Variants in ZFHX3 observed in about 807,000 individuals in gnomAD.
The protein encoded by ZFHX3 is zinc finger homeobox 3.
ZFHX3 carries 42 observed loss-of-function variants against 279.1 expected under a neutral mutation model. The observed-to-expected ratio is 0.15, with a 90% CI of 0.12 to 0.19. ZFHX3 has a LOEUF of 0.19. Ranked by LOEUF, ZFHX3 falls within the 10% of genes least tolerant of loss-of-function variation. ZFHX3 has a pLI of 1.00. For missense variants in ZFHX3, 4,981 were observed against 4,754.0 expected, an observed-to-expected ratio of 1.05 and a Z score of -1.40; for synonymous variants, 2,293 against 1,957.8, an observed-to-expected ratio of 1.17 and a Z score of -4.52.
chr16:73,205,110 A>G lies in ZFHX3; in HGVS notation c.-1104+51937T>C, dbSNP rs751546072. ...AGAGATTCAGAGTCCTAGGACTCCA[A>G]GTGACCCTGATTGATGGTCTGGACC... is the stretch of plus-strand genomic sequence containing the variant. On this transcript the variant is annotated intron_variant, in intron 5 of 17. Coordinates refer to the ZFHX3 transcript ENST00000641206. 1.9e-4 allele frequency among the ~76,000 whole-genome samples: 29 copies of G among 152,190 alleles called. 1 individual carries two copies. The highest frequency in any genetic ancestry group is 2.6e-4 in the Non-Finnish European group (18 of 68,024).
chr16:73,473,451 G>A (rs2018711426), intron 2 of ZFHX3, among the ~76,000 whole-genome samples: 1 of 151,916 alleles, frequency 6.6e-6, no homozygotes, highest in South Asian at 2.1e-4. Context: ...AATAAGGTAG[G>A]AGACATATGA....
At chr16:72,844,471 C>G (rs1194579673) in intron 4 of ZFHX3, among the ~76,000 whole-genome samples, 2 of 152,122 alleles carry the variant, frequency 1.3e-5, no homozygotes, top group East Asian at 3.9e-4. Context: ...ACCTGCCTCC[C>G]TCGCCCAACC....
At chr16:73,421,390 T>C (rs2017715938) in intron 3 of ZFHX3, 3 of 152,242 alleles carry the variant, frequency 2.0e-5, no homozygotes, top group African/African-American at 7.2e-5. Flanking sequence ...GTGTGCTTGT[T>C]CCCACATTAA....
chr16:73,213,789 G>T (rs1473999621), intron 5 of ZFHX3, among the ~76,000 whole-genome samples: 1 of 152,048 alleles, frequency 6.6e-6, no homozygotes, highest in Admixed American at 6.6e-5. Context: ...ATGGGCCCGG[G>T]TCCCATTTTT....
chr16:72,947,713 G>A (rs1183909958), intron 3 of ZFHX3, among the ~76,000 whole-genome samples: 2 of 152,124 alleles, frequency 1.3e-5, no homozygotes, highest in African/African-American at 4.8e-5. Flanking sequence ...GACAGGGTGG[G>A]GTGGGGAAGG....
At chr16:72,880,834 C>T (rs1437419480) in intron 4 of ZFHX3, among the ~76,000 whole-genome samples, 1 of 152,166 alleles carries the variant, frequency 6.6e-6, no homozygotes, top group Non-Finnish European at 1.5e-5. Context: ...CATTTAACAT[C>T]CACTCTGAAA....
intron 8 of ZFHX3, among the ~76,000 whole-genome samples, chr16:73,075,223 A>G (rs1420723034): frequency 6.6e-6 from 1 of 151,920 alleles, no homozygotes; most frequent in Non-Finnish European, 1.5e-5. Context: ...CTGAGGCAGA[A>G]GGATCACTTA....
intron 2 of ZFHX3, among the ~76,000 whole-genome samples, chr16:73,612,927 A>G (rs2052261773): frequency 1.3e-5 from 2 of 152,148 alleles, no homozygotes; most frequent in African/African-American, 4.8e-5. Context: ...GGATGGTTAA[A>G]AAAAGGAGGA....
Position 72,796,297 on chromosome 16 carries a change from C to T in ZFHX3, c.6385G>A (p.Ala2129Thr). 2.5e-6 allele frequency: 4 copies of T among 1,614,060 alleles called. No homozygotes were observed. The highest frequency in any genetic ancestry group is 2.5e-6 in the Non-Finnish European group (3 of 1,180,018). Residue 2129 changes from alanine (A) to threonine (T), a missense_variant, in exon 9 of 10, where the codon GCC becomes ACC. Physicochemically the swap from Ala to Thr is moderately conservative, Grantham distance 58. Coordinates refer to ENST00000268489, the MANE Select transcript of ZFHX3 (RefSeq NM_006885.4). ...GPVEPLPADLAQLYQHQLNPT... is the reference protein window; with the variant it reads ...GPVEPLPADLTQLYQHQLNPT... ...TTGAGCTGATGCTGGTAGAGTTGGG[C>T]CAGGTCCGCAGGCAGAGGCTCCACA...
chr16:73,267,327 A>C (rs950886448), intron 4 of ZFHX3, among the ~76,000 whole-genome samples: 2 of 152,100 alleles, frequency 1.3e-5, no homozygotes, highest in African/African-American at 4.8e-5. Flanking sequence ...TCTTGTTTAC[A>C]CAGGAAACAC....
chr16:73,288,349 C>G (rs939204310), intron 4 of ZFHX3, among the ~76,000 whole-genome samples: 1 of 152,136 alleles, frequency 6.6e-6, no homozygotes, highest in African/African-American at 2.4e-5. Context: ...TTCTGTTTCT[C>G]GATCCTGTCC....
At chr16:72,968,460 CTTTT>C (rs56294114) in intron 1 of ZFHX3, among the ~76,000 whole-genome samples, 9 of 123,276 alleles carry the variant, frequency 7.3e-5, no homozygotes, top group East Asian at 2.4e-4. Context: ...TGTTAATTTC[CTTTT>C]TTTTTTTTTT....
chr16:73,625,342 G>GCTCACA lies in ZFHX3; in HGVS notation c.-1547+54832_-1547+54837dup, dbSNP rs1420529205. Among the ~76,000 whole-genome samples, 15 of 152,340 alleles carry GCTCACA rather than the reference G, an allele frequency of 9.8e-5. No individual in the cohort carries two copies. The South Asian group carries it at 3.1e-3, about 32-fold the overall frequency. On this transcript the variant is annotated intron_variant, in intron 2 of 17. Coordinates refer to the ZFHX3 transcript ENST00000641206. ...GCACACATCTCACAGTAAGATTACA[G>GCTCACA]CTCACACCTGCCTAACTCAATGTGT...
intron 4 of ZFHX3, among the ~76,000 whole-genome samples, chr16:73,292,172 G>A (rs973094871): frequency 2.0e-5 from 3 of 152,200 alleles, no homozygotes; most frequent in African/African-American, 4.8e-5. Flanking sequence ...GCCCATGTTA[G>A]AAGACAGAAG....
chr16:73,130,717 C>T (rs1966664379), intron 7 of ZFHX3, among the ~76,000 whole-genome samples: 2 of 152,222 alleles, frequency 1.3e-5, no homozygotes, highest in African/African-American at 2.4e-5. Context: ...AAGGGATTCT[C>T]CTGCCTCAAC....
chr16:73,321,427 G>C (rs1204893278), intron 3 of ZFHX3, among the ~76,000 whole-genome samples: 1 of 152,170 alleles, frequency 6.6e-6, no homozygotes, highest in East Asian at 1.9e-4. Context: ...TGAGGTAACA[G>C]TTATAAAGGG....
At chr16:73,682,944 AAG>A (rs1308373983) in intron 1 of ZFHX3, among the ~76,000 whole-genome samples, 1 of 21,004 alleles carries the variant, frequency 4.8e-5, no homozygotes, top group Middle Eastern at 0.029. Context: ...GAAAGAAAGA[AAG>A]AAAGAAAGAA....
intron 1 of ZFHX3, among the ~76,000 whole-genome samples, chr16:72,980,155 C>T (rs937363755): frequency 8.5e-5 from 13 of 152,126 alleles, no homozygotes; most frequent in African/African-American, 3.1e-4. Flanking sequence ...CGTCAGAGAG[C>T]CGGTCAGTGG....
In ZFHX3 at chr16:73,748,397, G is replaced by T. The variant is rs147974962; in HGVS notation, c.-1607-68157C>A. On this transcript the variant is annotated intron_variant, in intron 1 of 17. Coordinates refer to the ZFHX3 transcript ENST00000641206. ...ATCCCTTTTAAAAAACCTAATGTTA[G>T]TCCACAATATCATGTAAATAAATTT... Among the ~76,000 whole-genome samples, 337 of 152,092 alleles carry T rather than the reference G, an allele frequency of 2.2e-3. 3 individuals carry two copies. Among genetic ancestry groups the T allele is most frequent in the African/African-American group, 7.8e-3 (325 of 41,446 alleles).
Sources: allele counts gnomAD v4.1 joint callset (sites outside exome capture counted in the v4.1 genomes callset), GRCh38; gene constraint gnomAD v4.1.1; transcripts MANE v1.5; gene names NCBI Gene and HGNC (gene_info 2026-07-23, HGNC 2026-07-21).